Variants in ADK observed in about 807,000 individuals in gnomAD.
ADK encodes N6,N6-dimethyladenosine kinase.
A neutral mutation model predicts 44.7 loss-of-function variants in ADK; 24 were observed. The ratio of observed to expected loss-of-function variants is 0.54; its 90% CI spans 0.39 to 0.76. The LOEUF (loss-of-function observed/expected upper bound fraction) is 0.76, where lower values mean the gene tolerates loss of function less well. Ranked by LOEUF, ADK falls within the 30% of genes least tolerant of loss-of-function variation. ADK has a pLI of 0.00. For missense variants in ADK, 321 were observed against 425.1 expected (o/e 0.76, Z 2.15); for synonymous variants, 128 against 142.6 (o/e 0.90, Z 0.73).
At chr10:74,151,717 G>A (rs1394183401) in intron 1 of ADK, among the ~76,000 whole-genome samples, 1 of 152,224 alleles carries the variant, frequency 6.6e-6, no homozygotes, top group Non-Finnish European at 1.5e-5. Context: ...GCGGGAAAGA[G>A]GCTCGGCAAC....
chr10:74,708,243 A>G (rs1324685242), intron 10 of ADK, 78 bp from the exon 11 acceptor site: 5 of 1,478,020 alleles, frequency 3.4e-6, no homozygotes, highest in Non-Finnish European at 4.7e-6. Context: ...TGCTTAGATC[A>G]TATATTGGTC....
chr10:74,702,159 G>A (rs1856442206), intron 10 of ADK, among the ~76,000 whole-genome samples: 1 of 151,632 alleles, frequency 6.6e-6, no homozygotes, highest in Non-Finnish European at 1.5e-5. Flanking sequence ...AGGGGGTTGG[G>A]ACTTTTGATA....
chr10:74,236,126 T>C (rs974673459), intron 3 of ADK, among the ~76,000 whole-genome samples: 8 of 152,244 alleles, frequency 5.3e-5, no homozygotes, highest in Non-Finnish European at 1.0e-4. Context: ...TATTAAATTG[T>C]AAGTTGTATA....
chr10:74,475,093 C>A (rs1238255150), intron 6 of ADK, among the ~76,000 whole-genome samples: 4 of 152,070 alleles, frequency 2.6e-5, no homozygotes, highest in Non-Finnish European at 5.9e-5. Context: ...CCACTGCACT[C>A]CAGCTTGACA....
chr10:74,263,243 G>T (rs1180449630), intron 3 of ADK, among the ~76,000 whole-genome samples: 1 of 152,134 alleles, frequency 6.6e-6, no homozygotes, highest in Non-Finnish European at 1.5e-5. Flanking sequence ...CTAGGAAATA[G>T]AAAACATTTT....
intron 3 of ADK, among the ~76,000 whole-genome samples, chr10:74,247,485 C>G (rs1845469012): frequency 6.6e-6 from 1 of 151,872 alleles, no homozygotes; most frequent in South Asian, 2.1e-4. Flanking sequence ...GATCAGCTAG[C>G]CTTGACCTCC....
At chr10:74,270,962 C>G (rs886329123) in intron 3 of ADK, among the ~76,000 whole-genome samples, 12 of 152,118 alleles carry the variant, frequency 7.9e-5, no homozygotes, top group African/African-American at 2.7e-4. Flanking sequence ...GGAATTATTT[C>G]TCACAACCAA....
At chr10:74,409,148 T>C (rs1022590536) in intron 6 of ADK, among the ~76,000 whole-genome samples, 1 of 152,234 alleles carries the variant, frequency 6.6e-6, no homozygotes, top group Non-Finnish European at 1.5e-5. Context: ...TAGTCACCTC[T>C]GCATAGTGTT....
At chr10:74,219,438 C>T (rs1370584886) in intron 2 of ADK, among the ~76,000 whole-genome samples, 3 of 152,188 alleles carry the variant, frequency 2.0e-5, no homozygotes, top group Non-Finnish European at 2.9e-5. Flanking sequence ...TAACACCCCA[C>T]TATCAACATT....
chr10:74,443,995 T>C (rs956917033), intron 6 of ADK, among the ~76,000 whole-genome samples: 16 of 152,090 alleles, frequency 1.1e-4, no homozygotes, highest in Non-Finnish European at 1.8e-4. Flanking sequence ...ATAAAACTCA[T>C]GTGTTAGTAA....
At chr10:74,600,530 G>C (rs1287479039) in intron 9 of ADK, 37 bp downstream of exon 9, 4 of 1,414,366 alleles carry the variant, frequency 2.8e-6, no homozygotes, top group Non-Finnish European at 3.9e-6. Context: ...CTAGTATTAT[G>C]GAGATTAATC....
intron 1 of ADK, among the ~76,000 whole-genome samples, chr10:74,194,993 T>A (rs1843071483): frequency 6.6e-6 from 1 of 152,230 alleles, no homozygotes; most frequent in Admixed American, 6.5e-5. Context: ...ATAAAATTTG[T>A]TGACTGTCCA....
At chr10:74,683,564 G>T (rs879335146) in intron 10 of ADK, among the ~76,000 whole-genome samples, 2 of 152,152 alleles carry the variant, frequency 1.3e-5, no homozygotes, top group East Asian at 3.8e-4. Context: ...TGTAAAGTCA[G>T]TGTAGACCAA....
At chr10:74,403,904 C>T (rs1470013761) in intron 6 of ADK, among the ~76,000 whole-genome samples, 1 of 152,166 alleles carries the variant, frequency 6.6e-6, no homozygotes, top group Non-Finnish European at 1.5e-5. Context: ...TGGAGTCTTG[C>T]TGTGTCATCC....
In ADK at chr10:74,301,130, A is replaced by G. The variant is rs190557243; in HGVS notation, c.195-13537A>G. 2.7e-3 allele frequency among the ~76,000 whole-genome samples: 407 copies of G among 152,366 alleles called. 1 individual carries two copies. The highest frequency in any genetic ancestry group is 0.015 in the South Asian group (72 of 4,832). ...TTTATATCAGTATTTGGGAGTATCT[A>G]TTTGTATATAGAGACATTCAAAGTT... On this transcript the variant is annotated intron_variant, in intron 3 of 10. Transcript: ENST00000539909.
At chr10:74,436,569 A>T (rs574502310) in intron 6 of ADK, among the ~76,000 whole-genome samples, 9 of 152,286 alleles carry the variant, frequency 5.9e-5, no homozygotes, top group Middle Eastern at 3.4e-3. Context: ...TGAGAAAATA[A>T]CAAAAAATTC....
chr10:74,277,020 C>T (rs1050164795), intron 3 of ADK, among the ~76,000 whole-genome samples: 13 of 152,086 alleles, frequency 8.5e-5, no homozygotes, highest in Non-Finnish European at 1.9e-4. Context: ...CCAGTTCAAG[C>T]GATTCTCCTG....
chr10:74,693,002 G>A (rs1856048314), intron 10 of ADK, among the ~76,000 whole-genome samples: 1 of 152,176 alleles, frequency 6.6e-6, no homozygotes, highest in South Asian at 2.1e-4. Flanking sequence ...GTGGCGCAAG[G>A]AGAGAGGGAT....
intron 6 of ADK, among the ~76,000 whole-genome samples, chr10:74,457,851 A>T (rs1846011218): frequency 6.6e-6 from 1 of 152,128 alleles, no homozygotes. Flanking sequence ...GGAGCATCAC[A>T]TACTGGGGCC....
Sources: allele counts gnomAD v4.1 joint callset (sites outside exome capture counted in the v4.1 genomes callset), GRCh38; gene constraint gnomAD v4.1.1; transcripts MANE v1.5; gene names NCBI Gene and HGNC (gene_info 2026-07-23, HGNC 2026-07-21).